Variants in HACD4 observed in about 807,000 individuals in gnomAD.
HACD4 encodes the protein 3-hydroxyacyl-CoA dehydratase 4.
A neutral mutation model predicts 33.3 loss-of-function variants in HACD4; 35 were observed. The observed-to-expected ratio is 1.05, with a 90% CI of 0.80 to 1.39. HACD4 has a LOEUF of 1.39. HACD4 is among the 40% of genes most tolerant of loss of function. The pLI, the probability that HACD4 is intolerant of heterozygous loss-of-function variation, is 0.00. For synonymous variants in HACD4, 118 were observed against 98.0 expected (o/e 1.20, Z -1.21); for missense variants, 323 against 276.5 (o/e 1.17, Z -1.19).
chr9:21,015,314 C>T (rs1277732573), intron 4 of HACD4: 2 of 152,166 alleles, frequency 1.3e-5, no homozygotes, highest in African/African-American at 2.4e-5. Context: ...GGACACCTCC[C>T]CAGAGTGAGG....
chr9:21,007,882 C>A (rs920533673), intron 6 of HACD4, 139 bp downstream of exon 6: 2 of 643,068 alleles, frequency 3.1e-6, no homozygotes, highest in Non-Finnish European at 4.9e-6. Flanking sequence ...AGGGGCTTTA[C>A]TAGCAAGATC....
At chr9:21,018,453 T>C (rs1216991345) in intron 3 of HACD4, among the ~76,000 whole-genome samples, 1 of 152,188 alleles carries the variant, frequency 6.6e-6, no homozygotes, top group East Asian at 1.9e-4. Context: ...AGTATCCAGA[T>C]TATAGCCTAT....
intron 3 of HACD4, among the ~76,000 whole-genome samples, chr9:21,022,915 A>T (rs1817959339): frequency 6.6e-6 from 1 of 152,024 alleles, no homozygotes; most frequent in African/African-American, 2.4e-5. Flanking sequence ...AGACACATGC[A>T]CACGTATGTT....
intron 1 of HACD4, among the ~76,000 whole-genome samples, chr9:21,031,223 C>T (rs945941093): frequency 6.6e-6 from 1 of 152,170 alleles, no homozygotes; most frequent in Non-Finnish European, 1.5e-5. Flanking sequence ...AAAAATCACC[C>T]CGCAACTCTG....
intron 3 of HACD4, among the ~76,000 whole-genome samples, chr9:21,020,502 G>T (rs1817880349): frequency 6.6e-6 from 1 of 152,000 alleles, no homozygotes; most frequent in Non-Finnish European, 1.5e-5. Flanking sequence ...AACATTTCAG[G>T]CTTGATAGTG....
rs375801075 is a variant in HACD4 at position 21,011,660 on chromosome 9, G to A, written c.419C>T (p.Ser140Phe). The A allele has an allele frequency of 1.1e-5, 17 of 1,609,342 alleles. No homozygotes were observed. In the African/African-American group the frequency reaches 2.3e-4, roughly 22 times the overall value. ...ACTGAGCCATGTCAAGACAGCATAG[G>A]ATATTCCTATGACTGATAACATGCT... ...TYSMLSVIGI[S>F]YAVLTWLSQT... The change falls in exon 5 of 7, where the codon TCC (serine) becomes TTC (phenylalanine). Residue 140 changes from serine (S) to phenylalanine (F), a missense_variant. By Grantham distance (155) the Ser-to-Phe change is radical (BLOSUM62 -2). Coordinates refer to ENST00000495827, the MANE Select transcript of HACD4 (RefSeq NM_001010915.5).
intron 3 of HACD4, among the ~76,000 whole-genome samples, chr9:21,023,764 A>T (rs1421003412): frequency 1.3e-5 from 2 of 151,964 alleles, no homozygotes; most frequent in Non-Finnish European, 2.9e-5. Context: ...TTTAGTAGAG[A>T]CAGGGTTTCA....
In HACD4 at chr9:21,008,067, G is replaced by A; in HGVS notation, c.570C>T (p.Ile190=). Reference sequence around the variant, plus strand: ...ATATTTTCAGCACATATGGGAAATAGATGGATAAGTCAAAGGGCAGCTTGG... The same window carrying A: ...ATATTTTCAGCACATATGGGAAATAAATGGATAAGTCAAAGGGCAGCTTGG... ...YSTKLPFDLS[I]YFPYVLKIYL... The change falls in exon 6 of 7, where the codon ATC becomes ATT. Residue 190 remains isoleucine (I), a synonymous_variant. Transcript: ENST00000495827. 6.2e-7 allele frequency: 1 copy of A among 1,611,730 alleles called. No individual in the cohort carries two copies. The highest frequency in any genetic ancestry group is 1.1e-5 in the South Asian group (1 of 90,664).
intron 3 of HACD4, among the ~76,000 whole-genome samples, chr9:21,024,478 T>C (rs1038126828): frequency 2.0e-5 from 3 of 152,234 alleles, no homozygotes; most frequent in Non-Finnish European, 4.4e-5. Context: ...CAAGATTTGG[T>C]TCTTTGATTA....
At chr9:21,008,239 T>C in intron 5 of HACD4, 93 bp from the exon 6 acceptor site, 1 of 1,126,710 alleles carries the variant, frequency 8.9e-7, no homozygotes. Flanking sequence ...ATATTTTGAA[T>C]TTGATAATGA....
chr9:21,024,203 G>A (rs1033566679), intron 3 of HACD4, among the ~76,000 whole-genome samples: 1 of 152,194 alleles, frequency 6.6e-6, no homozygotes, highest in Non-Finnish European at 1.5e-5. Flanking sequence ...CCACAAAAAG[G>A]ATGATAAATT....
chr9:21,016,074 A>G, intron 3 of HACD4, 64 bp from the exon 4 acceptor site: 2 of 1,128,670 alleles, frequency 1.8e-6, no homozygotes, highest in South Asian at 2.6e-5. Flanking sequence ...TAATTTTCTA[A>G]TTTTGAAAAC....
chr9:21,029,452 C>T, intron 1 of HACD4, 54 bp from the exon 2 acceptor site: 1 of 1,116,764 alleles, frequency 9.0e-7, no homozygotes, highest in South Asian at 1.4e-5. Context: ...ATCCTTTCAT[C>T]ACTGTACACA....
intron 5 of HACD4, among the ~76,000 whole-genome samples, 187 bp downstream of exon 5, chr9:21,011,402 C>T (rs1013270290): frequency 6.6e-6 from 1 of 152,206 alleles, no homozygotes; most frequent in Admixed American, 6.5e-5. Flanking sequence ...AGTATTTTGT[C>T]TACTGTGCAG....
intron 4 of HACD4, among the ~76,000 whole-genome samples, chr9:21,013,178 AT>A (rs992708091): frequency 6.6e-6 from 1 of 151,006 alleles, no homozygotes; most frequent in Non-Finnish European, 1.5e-5. Flanking sequence ...ATTTACTCCT[AT>A]TTTTTTTCAA....
intron 6 of HACD4, 61 bp from the exon 7 acceptor site, chr9:21,007,180 A>G (rs371268516): frequency 2.2e-5 from 20 of 899,270 alleles, no homozygotes; most frequent in Middle Eastern, 2.2e-4. Flanking sequence ...GGAAGAAACA[A>G]TGCTTTTAAA....
intron 2 of HACD4, among the ~76,000 whole-genome samples, chr9:21,028,637 C>G (rs10964800): frequency 7.2e-5 from 11 of 152,020 alleles, no homozygotes; most frequent in African/African-American, 2.7e-4. Context: ...AGTCACTCAA[C>G]AGTTGTAAAC....
chr9:21,029,052 C>T (rs1388189595), intron 2 of HACD4, among the ~76,000 whole-genome samples: 1 of 152,214 alleles, frequency 6.6e-6, no homozygotes, highest in Non-Finnish European at 1.5e-5. Context: ...GATACCACCT[C>T]AGTGCCATCC....
At chr9:21,012,597 AT>A (rs1025383453) in intron 4 of HACD4, among the ~76,000 whole-genome samples, 7 of 152,222 alleles carry the variant, frequency 4.6e-5, no homozygotes, top group African/African-American at 1.7e-4. Flanking sequence ...ATGTTTTTGC[AT>A]TTGCATATCT....
Sources: gnomAD v4.1 joint callset for allele counts (sites outside exome capture counted in the v4.1 genomes callset) on GRCh38, gnomAD v4.1.1 for gene constraint, MANE v1.5 for transcripts, NCBI Gene and HGNC (gene_info 2026-07-23, HGNC 2026-07-21) for gene names.